The following RARB variants were observed in gnomAD, a reference collection of about 807,000 sequenced individuals.
RARB encodes the protein HBV-activated protein.
Under a neutral mutation model 51.9 loss-of-function variants are expected in RARB, and 17 were observed. That is an observed-to-expected ratio of 0.33 (90% CI 0.22 to 0.49). The LOEUF (loss-of-function observed/expected upper bound fraction) is 0.49, where lower values mean the gene tolerates loss of function less well. RARB is among the 20% of genes least tolerant of loss of function. RARB has a pLI of 0.99. For missense variants in RARB, 369 were observed against 550.8 expected, an observed-to-expected ratio of 0.67 and a Z score of 3.30; for synonymous variants, 215 against 195.4, an observed-to-expected ratio of 1.10 and a Z score of -0.84.
intron 2 of RARB, among the ~76,000 whole-genome samples, chr3:24,859,059 A>AAAAAAAAAAAAG (rs1702691055): frequency 2.0e-4 from 6 of 29,352 alleles, no homozygotes; most frequent in East Asian, 2.7e-3. Context: ...AAAAAAAAAG[A>AAAAAAAAAAAAG]AAAAAAAAAA....
At chr3:25,177,713 C>T (rs2125355416) in intron 5 of RARB, among the ~76,000 whole-genome samples, 1 of 152,258 alleles carries the variant, frequency 6.6e-6, no homozygotes, top group South Asian at 2.1e-4. Context: ...ATCTCCTAGA[C>T]CTGAACCTGA....
intron 1 of RARB, among the ~76,000 whole-genome samples, chr3:25,450,693 C>G (rs1709153410): frequency 6.6e-6 from 1 of 152,174 alleles, no homozygotes; most frequent in Admixed American, 6.5e-5. Context: ...TCCCTGGCCT[C>G]TACCTACTAG....
intron 3 of RARB, among the ~76,000 whole-genome samples, chr3:25,513,403 C>G (rs186224272): frequency 6.6e-6 from 1 of 152,210 alleles, no homozygotes; most frequent in Admixed American, 6.5e-5. Flanking sequence ...GAACTTCTGT[C>G]TGATCTTCCA....
rs10713675 is a variant in RARB at position 25,293,597 on chromosome 3, T to TAAAAAAAAAAAAAAAAAAAAAA, written c.178+119043_178+119044insAAAAAAAAAAAAAAAAAAAAAA. On this transcript the variant is annotated intron_variant, in intron 5 of 11. Coordinates refer to the RARB transcript ENST00000383772. Reference sequence around the variant, plus strand: ...TTCCCGAGGCTAGAGTTACTCCATTTAAAAAAAAAAAAAAAAAAAAAGTTC... The same window carrying TAAAAAAAAAAAAAAAAAAAAAA: ...TTCCCGAGGCTAGAGTTACTCCATTTAAAAAAAAAAAAAAAAAAAAAAAAAAAAAAAAAAAAAAAAAAAGTTC... 1.4e-3 allele frequency among the ~76,000 whole-genome samples: 94 copies of TAAAAAAAAAAAAAAAAAAAAAA among 68,634 alleles called. 17 individuals carry two copies. Among genetic ancestry groups the TAAAAAAAAAAAAAAAAAAAAAA allele is most frequent in the South Asian group, 4.1e-3 (6 of 1,460 alleles). The allele number at this position is 68,634 out of a possible 152,430, so 45.0% of individuals were successfully genotyped here.
At chr3:25,219,140 T>G (rs1701892901) in intron 5 of RARB, among the ~76,000 whole-genome samples, 1 of 152,192 alleles carries the variant, frequency 6.6e-6, no homozygotes, top group Non-Finnish European at 1.5e-5. Context: ...AAACTGCTTA[T>G]AGTCAAGTGG....
chr3:25,537,620 G>A (rs1021311727), intron 3 of RARB, among the ~76,000 whole-genome samples: 2 of 152,142 alleles, frequency 1.3e-5, no homozygotes, highest in African/African-American at 4.8e-5. Context: ...GGGACTGTGG[G>A]TTTTAGTGTG....
intron 2 of RARB, among the ~76,000 whole-genome samples, chr3:24,907,923 C>G (rs1271471205): frequency 6.6e-6 from 1 of 151,914 alleles, no homozygotes; most frequent in Non-Finnish European, 1.5e-5. Context: ...CTCTTAGGGA[C>G]AAGTGGTCCA....
chr3:25,010,909 C>A (rs1697381068), intron 2 of RARB, among the ~76,000 whole-genome samples: 1 of 152,072 alleles, frequency 6.6e-6, no homozygotes. Context: ...TCTGCCACTC[C>A]AGATTTTTCC....
chr3:25,000,030 T>TC (rs1697126690), intron 2 of RARB, among the ~76,000 whole-genome samples: 1 of 152,114 alleles, frequency 6.6e-6, no homozygotes, highest in Non-Finnish European at 1.5e-5. Context: ...CATTGGCTGA[T>TC]CAGGGTCACA....
chr3:25,559,591 C>G (rs1700192890), intron 3 of RARB, among the ~76,000 whole-genome samples: 4 of 152,258 alleles, frequency 2.6e-5, no homozygotes, highest in African/African-American at 9.6e-5. Context: ...TGCATAATGG[C>G]AAACAAAGTG....
At chr3:25,467,420 C>T (rs546002087) in intron 2 of RARB, among the ~76,000 whole-genome samples, 6 of 152,338 alleles carry the variant, frequency 3.9e-5, no homozygotes, top group East Asian at 3.9e-4. Context: ...GATCCTCTCC[C>T]CCTGTTGTTG....
At chr3:25,123,772 CTA>C (rs1404717321) in intron 3 of RARB, among the ~76,000 whole-genome samples, 1 of 152,176 alleles carries the variant, frequency 6.6e-6, no homozygotes, top group African/African-American at 2.4e-5. Context: ...GTTTGAAAAT[CTA>C]TCTTTTCAAC....
intron 5 of RARB, among the ~76,000 whole-genome samples, chr3:25,405,715 G>GCTAATCA (rs1173084552): frequency 2.6e-5 from 4 of 152,216 alleles, no homozygotes; most frequent in Non-Finnish European, 4.4e-5. Flanking sequence ...GTGTTCAGTA[G>GCTAATCA]CTGCATGTGG....
At chr3:25,441,689 G>C (rs1369484678) in intron 1 of RARB, among the ~76,000 whole-genome samples, 1 of 152,102 alleles carries the variant, frequency 6.6e-6, no homozygotes, top group Non-Finnish European at 1.5e-5. Context: ...CAGCTTTACT[G>C]CAAACACCTG....
At chr3:24,916,786 A>T (rs1207725269) in intron 2 of RARB, among the ~76,000 whole-genome samples, 1 of 150,596 alleles carries the variant, frequency 6.6e-6, no homozygotes, top group Non-Finnish European at 1.5e-5. Context: ...AAAAAAAAAA[A>T]CCTTGTACAA....
intron 3 of RARB, among the ~76,000 whole-genome samples, chr3:25,083,073 T>C (rs1443480575): frequency 6.6e-6 from 1 of 152,134 alleles, no homozygotes; most frequent in African/African-American, 2.4e-5. Context: ...GTTTTTTTCC[T>C]TCTGGCTGCT....
At chr3:24,926,382 T>A (rs1445963701) in intron 2 of RARB, among the ~76,000 whole-genome samples, 1 of 152,092 alleles carries the variant, frequency 6.6e-6, no homozygotes, top group Non-Finnish European at 1.5e-5. Flanking sequence ...CTAAATTATG[T>A]GGTGCTTTAA....
chr3:25,197,083 T>G (rs2125367734), intron 5 of RARB, among the ~76,000 whole-genome samples: 1 of 152,274 alleles, frequency 6.6e-6, no homozygotes, highest in Admixed American at 6.5e-5. Flanking sequence ...TCGATGCCAT[T>G]TGTCTGTTTT....
intron 5 of RARB, among the ~76,000 whole-genome samples, chr3:25,236,241 G>T (rs574680288): frequency 6.6e-5 from 10 of 152,136 alleles, no homozygotes; most frequent in Non-Finnish European, 1.3e-4. Flanking sequence ...TGCAAGAATT[G>T]GAGCAGTAAA....
Sources: gnomAD v4.1 joint callset for allele counts (sites outside exome capture counted in the v4.1 genomes callset) on GRCh38, gnomAD v4.1.1 for gene constraint, MANE v1.5 for transcripts, NCBI Gene and HGNC (gene_info 2026-07-23, HGNC 2026-07-21) for gene names.